ZFP42: variants seen among roughly 807,000 people sequenced by gnomAD.
ZFP42 encodes ZFP42 zinc finger protein, also known as zinc finger protein 42 homolog.
For synonymous variants in ZFP42, 175 were observed against 144.6 expected, an observed-to-expected ratio of 1.21 and a Z score of -1.51; for missense variants, 438 against 377.1, an observed-to-expected ratio of 1.16 and a Z score of -1.34.
At position 187,997,228 on chromosome 4, in the gene ZFP42, C is replaced by CTTTTTTTTTTTTTTTTTTT. The variant is rs71595201; in HGVS notation, c.-339+1392_-339+1410dup. On this transcript the variant is annotated intron_variant, in intron 1 of 3. Transcript: ENST00000326866. ...CCTCGGTTACTTCCCCTCTCATATT[C>CTTTTTTTTTTTTTTTTTTT]TTTTTTTTTTTTTTTTTTTTTTGAG... Among the ~76,000 whole-genome samples, 253 of 60,020 alleles carry CTTTTTTTTTTTTTTTTTTT rather than the reference C, an allele frequency of 4.2e-3. 56 individuals carry two copies. Among genetic ancestry groups the CTTTTTTTTTTTTTTTTTTT allele is most frequent in the African/African-American group, 7.0e-3 (89 of 12,742 alleles). 39.4% of individuals were successfully genotyped at this position (60,020 alleles called of 152,430 possible). A position where few individuals can be genotyped will look rare whatever the true frequency, so the allele number is the denominator to read the frequency against.
Position 188,003,905 on chromosome 4 carries a change from G to A in ZFP42, c.*165G>A. 1.6e-6 allele frequency: 1 copy of A among 618,256 alleles called. No individual in the cohort carries two copies. The highest frequency in any genetic ancestry group is 2.7e-6 in the Non-Finnish European group (1 of 371,192). The allele number at this position is 618,256 out of a possible 1,614,324, so 38.3% of individuals were successfully genotyped here. ...CCTACACTTTGTGATACCGTTTTAA[G>A]GACATGGTGCATTTTTTTTTCTTTT... On this transcript the variant is annotated 3_prime_UTR_variant, in exon 4 of 4. Coordinates refer to ENST00000326866, the MANE Select transcript of ZFP42 (RefSeq NM_174900.5).
At position 188,004,015 on chromosome 4, in the gene ZFP42, G is replaced by T; in HGVS notation, c.*275G>T. On this transcript the variant is annotated 3_prime_UTR_variant, in exon 4 of 4. Coordinates refer to ENST00000326866, the MANE Select transcript of ZFP42 (RefSeq NM_174900.5). ...GTGTGCTTCCAACAGGAAGGTCAGT[G>T]ATAAATTTTCAAAAGCATAACCTTC... 1 of 313,194 alleles carries T rather than the reference G, an allele frequency of 3.2e-6. No individual in the cohort carries two copies. Among genetic ancestry groups the T allele is most frequent in the Non-Finnish European group, 6.1e-6 (1 of 164,926 alleles). 19.4% of individuals were successfully genotyped at this position (313,194 alleles called of 1,614,324 possible).
rs1312491866 is a variant in ZFP42, at chr4:188,003,197, G to T, written c.390G>T (p.Glu130Asp). The T allele has an allele frequency of 2.5e-6, 4 of 1,613,762 alleles. No individual in the cohort carries two copies. The highest frequency in any genetic ancestry group is 3.4e-6 in the Non-Finnish European group (4 of 1,179,990). ...LEYMKKGVKK[E>D]LPQKIVGENS... ...ACATGAAAAAAGGGGTAAAGAAAGA[G>T]CTTCCACAAAAGATAGTTGGAGAGA... Residue 130 changes from glutamate to aspartate, a missense_variant, in exon 4 of 4, where the codon GAG becomes GAT. By Grantham distance (45) the Glu-to-Asp change is conservative. Transcript: ENST00000326866.
rs911372460 is a variant in ZFP42 at position 188,004,940 on chromosome 4, T to C, written c.*1200T>C. ...TGTGATTTTTGTTTTCTTTTTATCA[T>C]TGTATCAAACTATATGGAAATCATA... On this transcript the variant is annotated 3_prime_UTR_variant, in exon 4 of 4. Transcript: ENST00000326866. 3 of 167,154 alleles carry C rather than the reference T, an allele frequency of 1.8e-5. No homozygotes were observed. The highest frequency in any genetic ancestry group is 4.8e-5 in the African/African-American group (2 of 41,484). 10.4% of individuals were successfully genotyped at this position (167,154 alleles called of 1,614,324 possible). A position where few individuals can be genotyped will look rare whatever the true frequency, so the allele number is the denominator to read the frequency against.
rs373815952 is a variant in ZFP42 at position 188,003,776 on chromosome 4, G to C, written c.*36G>C. ...GGATGAAGCAGATTAACAGAAGAGTGATCAGTGACAAACATGCCTCATTGA... is the reference window on the plus strand; with the variant it reads ...GGATGAAGCAGATTAACAGAAGAGTCATCAGTGACAAACATGCCTCATTGA... On this transcript the variant is annotated 3_prime_UTR_variant, in exon 4 of 4. Transcript: ENST00000326866. 9.5e-5 allele frequency: 148 copies of C among 1,557,466 alleles called. No individual in the cohort carries two copies. The African/African-American group carries it at 1.8e-3, about 19-fold the overall frequency.
At chr4:188,002,096 G>GA (rs1733846205) in intron 3 of ZFP42, among the ~76,000 whole-genome samples, 1 of 152,198 alleles carries the variant, frequency 6.6e-6, no homozygotes, top group Non-Finnish European at 1.5e-5. Flanking sequence ...AGAATTGCTT[G>GA]AACCCGGGAG....
rs555479748 is a variant in ZFP42, at chr4:188,002,953, T to C, written c.146T>C (p.Leu49Ser). Residue 49 changes from leucine (L) to serine (S), a missense_variant, in exon 4 of 4, where the codon TTA becomes TCA. By Grantham distance (145) the Leu-to-Ser change is moderately radical. Coordinates refer to ENST00000326866, the MANE Select transcript of ZFP42 (RefSeq NM_174900.5). ...EIEPVSAVWA[L>S]CDGYVCYEPG... ...GAACCTGTCAGCGCGGTGTGGGCCT[T>C]ATGTGATGGCTATGTGTGCTATGAG... 4 of 1,614,082 alleles carry C rather than the reference T, an allele frequency of 2.5e-6. No individual in the cohort carries two copies. The highest frequency in any genetic ancestry group is 1.7e-5 in the Admixed American group (1 of 60,002).
In ZFP42 at chr4:187,995,858, G is replaced by A. The variant is rs949207472; in HGVS notation, c.-339+18G>A. The A allele has an allele frequency of 6.6e-6, 1 of 152,456 alleles. No homozygotes were observed. The highest frequency in any genetic ancestry group is 2.4e-5 in the African/African-American group (1 of 41,588). 9.4% of individuals were successfully genotyped at this position (152,456 alleles called of 1,614,324 possible). ...TAACAGGGGTGAGTCTTGTTTCATG[G>A]AACTTTTTTCAAATGGGGAGAAGGG... is the stretch of plus-strand genomic sequence containing the variant. On this transcript the variant is annotated intron_variant, in intron 1 of 3. Coordinates refer to ENST00000326866, the MANE Select transcript of ZFP42 (RefSeq NM_174900.5).
rs1293333165 is a variant in ZFP42, at chr4:188,004,941, T to C, written c.*1201T>C. ...GTGATTTTTGTTTTCTTTTTATCAT[T>C]GTATCAAACTATATGGAAATCATAT... On this transcript the variant is annotated 3_prime_UTR_variant, in exon 4 of 4. Coordinates refer to ENST00000326866, the MANE Select transcript of ZFP42 (RefSeq NM_174900.5). 3 of 167,134 alleles carry C rather than the reference T, an allele frequency of 1.8e-5. No individual in the cohort carries two copies. The highest frequency in any genetic ancestry group is 7.2e-5 in the African/African-American group (3 of 41,468). The allele number at this position is 167,134 out of a possible 1,614,324, so 10.4% of individuals were successfully genotyped here.
chr4:187,996,987 G>GGGAGCATGGAGCATGGAGCATGGAGCAT (rs1182237798), intron 1 of ZFP42, among the ~76,000 whole-genome samples: 2 of 58,912 alleles, frequency 3.4e-5, no homozygotes, highest in Non-Finnish European at 6.0e-5. Flanking sequence ...CATAGCTGTA[G>GGGAGCATGGAGCATGGAGCATGGAGCAT]GGAGCATGGA....
rs1461588377 is a variant in ZFP42 at position 187,999,214 on chromosome 4, C to G, written c.-232C>G. 1 of 152,420 alleles carries G rather than the reference C, an allele frequency of 6.6e-6. No homozygotes were observed. The highest frequency in any genetic ancestry group is 1.5e-5 in the Non-Finnish European group (1 of 68,240). The allele number at this position is 152,420 out of a possible 1,614,324, so 9.4% of individuals were successfully genotyped here. ...AATAGCTGACCACCAGCACACTAGG[C>G]AAACCCACCCCACTCACGGCCTCCC... On this transcript the variant is annotated 5_prime_UTR_variant, in exon 2 of 4. Transcript: ENST00000326866.
intron 3 of ZFP42, among the ~76,000 whole-genome samples, chr4:188,001,364 A>G (rs1048411298): frequency 7.9e-5 from 12 of 152,240 alleles, no homozygotes; most frequent in Admixed American, 1.3e-4. Context: ...TATTCATGCT[A>G]TAACTTTTAT....
intron 1 of ZFP42, among the ~76,000 whole-genome samples, chr4:187,997,105 C>G (rs1338361763): frequency 6.6e-6 from 1 of 152,040 alleles, no homozygotes; most frequent in East Asian, 1.9e-4. Flanking sequence ...CTTCGCTCGT[C>G]TCTTCCCACC....
intron 3 of ZFP42, among the ~76,000 whole-genome samples, chr4:188,001,882 A>T (rs1733836437): frequency 6.6e-6 from 1 of 152,254 alleles, no homozygotes; most frequent in Non-Finnish European, 1.5e-5. Flanking sequence ...ACAGTATTAC[A>T]TAAGAAAACA....
At chr4:188,002,242 A>G (rs1733853383) in intron 3 of ZFP42, among the ~76,000 whole-genome samples, 1 of 152,186 alleles carries the variant, frequency 6.6e-6, no homozygotes, top group South Asian at 2.1e-4. Context: ...CTTTTAACCA[A>G]CTGCCACTTA....
At position 188,003,693 on chromosome 4, in the gene ZFP42, A is replaced by C; in HGVS notation, c.886A>C (p.Ile296Leu). 1 of 1,613,700 alleles carries C rather than the reference A, an allele frequency of 6.2e-7. No individual in the cohort carries two copies. The highest frequency in any genetic ancestry group is 8.5e-7 in the Non-Finnish European group (1 of 1,179,732). The change falls in exon 4 of 4, where the codon ATC (isoleucine) becomes CTC (leucine). Residue 296 changes from isoleucine (I) to leucine (L), a missense_variant. Ile to Leu is a conservative substitution (Grantham distance 5). Coordinates refer to ENST00000326866, the MANE Select transcript of ZFP42 (RefSeq NM_174900.5). ...TCAGTCAAATAACCTGAAAGCCCAC[A>C]TCCTAACGCATGCAAATACGAACAA... ...FIQSNNLKAHILTHANTNKNE... is the reference protein window; with the variant it reads ...FIQSNNLKAHLLTHANTNKNE...
rs967142375 is a variant in ZFP42 at position 188,004,846 on chromosome 4, A to G, written c.*1106A>G. Reference sequence around the variant, plus strand: ...TTCATGTCATAGCCCTAGAGAATGAAAAATTTGCAGTAGATAGTCAATAAA... The same window carrying G: ...TTCATGTCATAGCCCTAGAGAATGAGAAATTTGCAGTAGATAGTCAATAAA... On this transcript the variant is annotated 3_prime_UTR_variant, in exon 4 of 4. Coordinates refer to ENST00000326866, the MANE Select transcript of ZFP42 (RefSeq NM_174900.5). The G allele has an allele frequency of 6.0e-6, 1 of 167,136 alleles. No homozygotes were observed. Among genetic ancestry groups the G allele is most frequent in the Non-Finnish European group, 1.5e-5 (1 of 68,136 alleles). 10.4% of individuals were successfully genotyped at this position (167,136 alleles called of 1,614,324 possible).
Position 188,002,832 on chromosome 4 carries a change from G to T in ZFP42, c.25G>T (p.Ala9Ser), listed in dbSNP as rs1217872787. ...CATGAGCCAGCAACTGAAGAAACGGGCAAAGACAAGACACCAGAAAGGCCT... is the reference window on the plus strand; with the variant it reads ...CATGAGCCAGCAACTGAAGAAACGGTCAAAGACAAGACACCAGAAAGGCCT... MSQQLKKR[A>S]KTRHQKGLGG... The change falls in exon 4 of 4, where the codon GCA (alanine) becomes TCA (serine). Residue 9 changes from alanine to serine, a missense_variant. Transcript: ENST00000326866. 1 of 1,614,116 alleles carries T rather than the reference G, an allele frequency of 6.2e-7. No homozygotes were observed. Among genetic ancestry groups the T allele is most frequent in the Admixed American group, 1.7e-5 (1 of 60,000 alleles).
Position 188,003,653 on chromosome 4 carries a change from C to T in ZFP42, c.846C>T (p.Cys282=). The T allele has an allele frequency of 1.9e-6, 3 of 1,613,668 alleles. No individual in the cohort carries two copies. The highest frequency in any genetic ancestry group is 2.5e-6 in the Non-Finnish European group (3 of 1,180,038). The change falls in exon 4 of 4, where the codon TGC becomes TGT. Residue 282 remains cysteine (C), a synonymous_variant. Transcript: ENST00000326866. ...GTTTCGTGTGTCCCTTTCAAGGCTGCAACAGGAGGTTTATTCAGTCAAATA... is the reference window on the plus strand; with the variant it reads ...GTTTCGTGTGTCCCTTTCAAGGCTGTAACAGGAGGTTTATTCAGTCAAATA... ...EKRFVCPFQG[C]NRRFIQSNNL...
Sources: allele counts gnomAD v4.1 joint callset (sites outside exome capture counted in the v4.1 genomes callset), GRCh38; gene constraint gnomAD v4.1.1; transcripts MANE v1.5; gene names NCBI Gene and HGNC (gene_info 2026-07-23, HGNC 2026-07-21).